The following SLC7A1 variants were observed in gnomAD, a reference collection of about 807,000 sequenced individuals.
SLC7A1 encodes high affinity cationic amino acid transporter 1.
SLC7A1 carries 10 observed loss-of-function variants against 53.9 expected under a neutral mutation model. The ratio of observed to expected loss-of-function variants is 0.19; its 90% CI spans 0.11 to 0.31. The LOEUF (loss-of-function observed/expected upper bound fraction) is 0.31, where lower values mean the gene tolerates loss of function less well. Among genes scored for constraint, SLC7A1 ranks in the 10% least tolerant of loss-of-function variants. The pLI is 1.00. For missense variants in SLC7A1, 525 were observed against 827.2 expected (o/e 0.63, Z 4.48); for synonymous variants, 342 against 338.7 (o/e 1.01, Z -0.11).
rs558871896 is a variant in SLC7A1, at chr13:29,523,342, C to T, written c.973G>A (p.Asp325Asn). ...TCCCAGCCCACGTGCTTAAAGGCGT[C>T]GGGCAGGGGGCTGTTATTGTCCAGG... Reference protein sequence around the residue: ...FCLDNNSPLPDAFKHVGWEGA... With the variant: ...FCLDNNSPLPNAFKHVGWEGA... The change falls in exon 7 of 13, where the codon GAC becomes AAC. Residue 325 changes from aspartate (D) to asparagine (N), a missense_variant. By Grantham distance (23) the Asp-to-Asn change is conservative (BLOSUM62 1). This residue lies in a region of SLC7A1 where 354 missense variants were observed against 587.5 expected (regional missense o/e 0.60). Coordinates refer to ENST00000380752, the MANE Select transcript of SLC7A1 (RefSeq NM_003045.5). 3.8e-5 allele frequency: 61 copies of T among 1,613,712 alleles called. No individual in the cohort carries two copies. Among genetic ancestry groups the T allele is most frequent in the Admixed American group, 2.3e-4 (14 of 60,020 alleles).
At chr13:29,545,235 A>T (rs1470314076) in intron 2 of SLC7A1, among the ~76,000 whole-genome samples, 32 of 152,210 alleles carry the variant, frequency 2.1e-4, no homozygotes, top group Admixed American at 2.1e-3. Context: ...TAAAATCTAA[A>T]GCAACAGTCT....
intron 10 of SLC7A1, 104 bp from the exon 11 acceptor site, chr13:29,517,414 T>G (rs1868402770): frequency 1.5e-6 from 2 of 1,320,752 alleles, no homozygotes; most frequent in South Asian, 1.4e-5. Flanking sequence ...AGGCTCCATT[T>G]CCGAAGGCAC....
intron 1 of SLC7A1, among the ~76,000 whole-genome samples, chr13:29,579,936 G>A (rs1871571971): frequency 6.6e-6 from 1 of 152,134 alleles, no homozygotes. Flanking sequence ...CCTCCTACCA[G>A]ACCCATTGTT....
chr13:29,573,489 T>A (rs1282045921), intron 1 of SLC7A1, among the ~76,000 whole-genome samples: 1 of 152,180 alleles, frequency 6.6e-6, no homozygotes, highest in African/African-American at 2.4e-5. Context: ...GACGGACTTC[T>A]CTAAAGCCAG....
At chr13:29,587,165 G>A (rs980221244) in intron 1 of SLC7A1, among the ~76,000 whole-genome samples, 1 of 152,200 alleles carries the variant, frequency 6.6e-6, no homozygotes, top group Non-Finnish European at 1.5e-5. Context: ...ACAGCTCAGG[G>A]AAACTGAGGT....
intron 1 of SLC7A1, among the ~76,000 whole-genome samples, chr13:29,572,453 G>A (rs1871240228): frequency 6.6e-6 from 1 of 152,164 alleles, no homozygotes; most frequent in Admixed American, 6.5e-5. Context: ...GTGGGGAGTG[G>A]GAAGAAACAC....
intron 5 of SLC7A1, among the ~76,000 whole-genome samples, chr13:29,528,818 C>A (rs926576287): frequency 6.6e-6 from 1 of 152,118 alleles, no homozygotes; most frequent in African/African-American, 2.4e-5. Context: ...ATTGGGGCAA[C>A]AAATGCTGCT....
rs1872272559 is a variant in SLC7A1 at position 29,595,478 on chromosome 13, G to A, written c.-177C>T. The stretch of plus-strand genomic sequence containing the variant: ...CAGACAGACTGTCGGACGCGCTCAA[G>A]GACCAACGGACGCTCGGCCGGCGAG... On this transcript the variant is annotated 5_prime_UTR_variant, in exon 1 of 13. Coordinates refer to ENST00000380752, the MANE Select transcript of SLC7A1 (RefSeq NM_003045.5). The A allele has an allele frequency of 6.7e-6, 1 of 150,038 alleles. No homozygotes were observed. Among genetic ancestry groups the A allele is most frequent in the Admixed American group, 6.6e-5 (1 of 15,074 alleles). 9.3% of individuals were successfully genotyped at this position (150,038 alleles called of 1,614,324 possible).
chr13:29,517,473 G>A (rs908530867), intron 10 of SLC7A1, 100 bp downstream of exon 10: 1 of 1,232,192 alleles, frequency 8.1e-7, no homozygotes, highest in Non-Finnish European at 1.2e-6. Flanking sequence ...GAGCAAGACA[G>A]ATGCTCATCT....
At chr13:29,573,679 G>A (rs1299988615) in intron 1 of SLC7A1, among the ~76,000 whole-genome samples, 1 of 152,190 alleles carries the variant, frequency 6.6e-6, no homozygotes, top group Non-Finnish European at 1.5e-5. Flanking sequence ...GTTAATGTAA[G>A]TATGCCCCAA....
chr13:29,520,076 C>T (rs919421057), intron 8 of SLC7A1, among the ~76,000 whole-genome samples: 1 of 152,112 alleles, frequency 6.6e-6, no homozygotes, highest in Non-Finnish European at 1.5e-5. Flanking sequence ...CACCATCCAT[C>T]CATCAATCCA....
chr13:29,583,562 A>G (rs1363916793), intron 1 of SLC7A1, among the ~76,000 whole-genome samples: 1 of 152,062 alleles, frequency 6.6e-6, no homozygotes, highest in Non-Finnish European at 1.5e-5. Flanking sequence ...ACACAGGACC[A>G]CTCATGGGCA....
intron 2 of SLC7A1, among the ~76,000 whole-genome samples, chr13:29,541,809 C>T (rs981715707): frequency 1.1e-4 from 16 of 152,044 alleles, no homozygotes; most frequent in African/African-American, 3.9e-4. Flanking sequence ...TAAAATATGA[C>T]AAAATAATGT....
chr13:29,580,369 C>A (rs1228447124), intron 1 of SLC7A1, among the ~76,000 whole-genome samples: 1 of 152,092 alleles, frequency 6.6e-6, no homozygotes, highest in Non-Finnish European at 1.5e-5. Context: ...GATTCCTACA[C>A]CGTGCTTCCT....
intron 5 of SLC7A1, 36 bp downstream of exon 5, chr13:29,530,502 G>A (rs748155072): frequency 1.3e-6 from 2 of 1,598,576 alleles, no homozygotes; most frequent in Non-Finnish European, 1.7e-6. Context: ...GTCATTAAAT[G>A]TCAACTAAGA....
rs1883549191 is a variant in SLC7A1, at chr13:29,516,199, G to A, written c.1725C>T (p.Val575=). The A allele has an allele frequency of 1.9e-6, 3 of 1,613,700 alleles. No individual in the cohort carries two copies. The highest frequency in any genetic ancestry group is 2.2e-5 in the South Asian group (2 of 90,916). ...VLPILSIFVN[V]YLMMQLDQGT... is the part of the protein sequence containing the mutation. ...CCTGGTCCAGCTGCATCATGAGATA[G>A]ACGTTCACGAAGATGCTCAGGATGG... Residue 575 remains valine (V), a synonymous_variant, in exon 12 of 13, where the codon GTC becomes GTT. Transcript: ENST00000380752.
chr13:29,546,833 C>T (rs187613691), intron 2 of SLC7A1, among the ~76,000 whole-genome samples: 7 of 152,288 alleles, frequency 4.6e-5, no homozygotes, highest in South Asian at 2.1e-4. Context: ...TCACAGTGAG[C>T]GGGGCCTGCT....
chr13:29,532,235 G>A (rs754408637), intron 4 of SLC7A1, among the ~76,000 whole-genome samples: 3 of 152,212 alleles, frequency 2.0e-5, no homozygotes, highest in East Asian at 1.9e-4. Context: ...GCCAAGACAC[G>A]CACAAATGTC....
At position 29,536,225 on chromosome 13, in the gene SLC7A1, T is replaced by C. The variant is rs765845608; in HGVS notation, c.-14-23A>G. 4.4e-6 allele frequency: 7 copies of C among 1,582,564 alleles called. No homozygotes were observed. In the African/African-American group the frequency reaches 8.1e-5, roughly 18 times the overall value. On this transcript the variant is annotated intron_variant, in intron 2 of 12. Transcript: ENST00000380752. ...GAGCTGTTGAAAAAGAACAAAGATG[T>C]TTCCTGATTGCTCCTCATTTCACCC...
Sources: allele counts gnomAD v4.1 joint callset (sites outside exome capture counted in the v4.1 genomes callset), GRCh38; gene constraint gnomAD v4.1.1; regional missense constraint gnomAD v4.1.1; transcripts MANE v1.5; gene names NCBI Gene and HGNC (gene_info 2026-07-23, HGNC 2026-07-21).